The following TTC39A variants were observed in gnomAD, a reference collection of about 807,000 sequenced individuals.
TTC39A encodes the protein tetratricopeptide repeat protein 39A.
TTC39A carries 46 observed loss-of-function variants against 82.3 expected under a neutral mutation model. The observed-to-expected ratio is 0.56, with a 90% CI of 0.44 to 0.71. The LOEUF (loss-of-function observed/expected upper bound fraction) is 0.71, where lower values mean the gene tolerates loss of function less well. TTC39A is among the 30% of genes least tolerant of loss of function. TTC39A has a pLI of 0.00. For missense variants in TTC39A, 543 were observed against 712.9 expected (o/e 0.76, Z 2.71); for synonymous variants, 254 against 275.2 (o/e 0.92, Z 0.76).
chr1:51,322,397 A>C (rs926613378), intron 1 of TTC39A: 25 of 891,956 alleles, frequency 2.8e-5, no homozygotes, highest in Admixed American at 7.8e-5. Flanking sequence ...TCCAGTCCTT[A>C]CGTTTCTCTA....
chr1:51,306,116 G>T, intron 6 of TTC39A, 40 bp from the exon 7 acceptor site: 1 of 1,573,864 alleles, frequency 6.4e-7, no homozygotes. Flanking sequence ...CCACTGCTGG[G>T]GGTGGGGGGT....
At chr1:51,312,979 A>C in intron 2 of TTC39A, 36 bp from the exon 3 acceptor site, 1 of 1,599,720 alleles carries the variant, frequency 6.3e-7, no homozygotes, top group Non-Finnish European at 8.5e-7. Context: ...GCACCACCTT[A>C]TAGAGCCCCA....
At chr1:51,305,683 T>C (rs1369498310) in intron 7 of TTC39A, 1 of 463,132 alleles carries the variant, frequency 2.2e-6, no homozygotes, top group Non-Finnish European at 3.9e-6. Context: ...CCTGATTTAT[T>C]GTGTGTGCCA....
chr1:51,299,359 T>C (rs1397170935), intron 12 of TTC39A: 1 of 152,232 alleles, frequency 6.6e-6, no homozygotes, highest in African/African-American at 2.4e-5. Context: ...CATACTCCGT[T>C]CATCCGTCGC....
At position 51,302,517 on chromosome 1, in the gene TTC39A, G is replaced by T. The variant is rs367944910; in HGVS notation, c.820C>A (p.Arg274=). 17 of 1,609,142 alleles carry T rather than the reference G, an allele frequency of 1.1e-5. No individual in the cohort carries two copies. Among genetic ancestry groups the T allele is most frequent in the Non-Finnish European group, 1.4e-5 (17 of 1,177,894 alleles). The change falls in exon 10 of 18, where the codon CGG becomes AGG. Residue 274 remains arginine, a synonymous_variant. Transcript: ENST00000680483. The part of the protein sequence containing the change: ...AEKLLKPYLN[R]YPKGAIFLFF... ...CACATGGGGCTCACCTTAGGGTACC[G>T]GTTCAGGTAGGGCTTCAAGAGCTTC... is the stretch of plus-strand genomic sequence containing the variant.
Position 51,321,935 on chromosome 1 carries a change from T to G in TTC39A, c.42-110A>C. On this transcript the variant is annotated intron_variant, in intron 1 of 17. Coordinates refer to ENST00000680483, the MANE Select transcript of TTC39A (RefSeq NM_001297663.2). The surrounding 1 kb of genome is among the most constrained non-coding windows in gnomAD (Gnocchi z 4.6). ...CTCAGCCTCCCTGGCCAGCCTTGGG[T>G]GCCTGTCACGAGCTCCTCCAGGCTG... 1 of 1,335,434 alleles carries G rather than the reference T, an allele frequency of 7.5e-7. No homozygotes were observed. Among genetic ancestry groups the G allele is most frequent in the Non-Finnish European group, 1.0e-6 (1 of 961,944 alleles). The allele number at this position is 1,335,434 out of a possible 1,614,324, so 82.7% of individuals were successfully genotyped here.
At chr1:51,311,144 G>A (rs993881500) in intron 5 of TTC39A, 110 bp downstream of exon 5, 32 of 1,039,980 alleles carry the variant, frequency 3.1e-5, no homozygotes, top group East Asian at 1.6e-4. Context: ...GGGATGAGTC[G>A]TGGTTGCTAT....
upstream of TTC39A, among the ~76,000 whole-genome samples, chr1:51,332,755 A>G (rs1298130727): frequency 2.6e-5 from 4 of 152,358 alleles, no homozygotes; most frequent in African/African-American, 9.6e-5. Flanking sequence ...GGGTAAAAAA[A>G]TGCTTATTGG....
intron 2 of TTC39A, among the ~76,000 whole-genome samples, chr1:51,318,916 T>C (rs1479018997): frequency 1.3e-5 from 2 of 152,040 alleles, no homozygotes; most frequent in Non-Finnish European, 2.9e-5. Context: ...TAAACAGGAC[T>C]AGACAGACAG....
At chr1:51,328,807 T>G (rs1645805674) in intron 1 of TTC39A, among the ~76,000 whole-genome samples, 1 of 152,116 alleles carries the variant, frequency 6.6e-6, no homozygotes, top group East Asian at 1.9e-4. Context: ...TTTAAAAAGG[T>G]AGAGATTTAA....
intron 1 of TTC39A, among the ~76,000 whole-genome samples, chr1:51,339,028 G>T (rs1646005624): frequency 6.6e-6 from 1 of 152,194 alleles, no homozygotes; most frequent in Non-Finnish European, 1.5e-5. Flanking sequence ...TTCAACCTGA[G>T]ATTTAGCTAC....
intron 1 of TTC39A, among the ~76,000 whole-genome samples, chr1:51,327,529 C>A (rs1367780270): frequency 6.6e-6 from 1 of 152,082 alleles, no homozygotes; most frequent in Non-Finnish European, 1.5e-5. Context: ...GCTGGATAAC[C>A]TTGGGAATGT....
intron 1 of TTC39A, chr1:51,344,938 G>A: frequency 2.0e-6 from 3 of 1,520,894 alleles, no homozygotes; most frequent in Non-Finnish European, 1.8e-6. Flanking sequence ...GTCCTCCGGC[G>A]GCCCCTTGGT....
intron 1 of TTC39A, among the ~76,000 whole-genome samples, chr1:51,327,724 GCTCT>G (rs1228408773): frequency 6.7e-6 from 1 of 148,266 alleles, no homozygotes; most frequent in Non-Finnish European, 1.5e-5. Context: ...TTTGAGAGAG[GCTCT>G]CTCTGTCGCC....
intron 6 of TTC39A, among the ~76,000 whole-genome samples, chr1:51,307,176 G>C (rs1199557354): frequency 6.6e-6 from 1 of 152,176 alleles, no homozygotes; most frequent in Admixed American, 6.5e-5. Context: ...AATAACCCAG[G>C]ACTTCTTTTA....
intron 6 of TTC39A, among the ~76,000 whole-genome samples, chr1:51,308,391 C>T (rs1485625958): frequency 6.6e-6 from 1 of 152,126 alleles, no homozygotes; most frequent in Non-Finnish European, 1.5e-5. Flanking sequence ...AGGTGCCTGC[C>T]ACCACGCCCT....
At chr1:51,332,427 A>G (rs1645925183), upstream of TTC39A, among the ~76,000 whole-genome samples, 1 of 152,016 alleles carries the variant, frequency 6.6e-6, no homozygotes, top group South Asian at 2.1e-4. Flanking sequence ...TGCCCAGCTG[A>G]TTTTTGTATT....
At chr1:51,314,980 G>A (rs1645229751) in intron 2 of TTC39A, among the ~76,000 whole-genome samples, 1 of 152,146 alleles carries the variant, frequency 6.6e-6, no homozygotes. Context: ...TCTCCTCGAG[G>A]AGGGGCTTCC....
intron 6 of TTC39A, among the ~76,000 whole-genome samples, chr1:51,306,518 C>T (rs1318408473): frequency 1.3e-5 from 2 of 152,190 alleles, no homozygotes; most frequent in Non-Finnish European, 2.9e-5. Flanking sequence ...AGAATGTCTC[C>T]AGACACTGCC....
Sources: allele counts gnomAD v4.1 joint callset (sites outside exome capture counted in the v4.1 genomes callset), GRCh38; gene constraint gnomAD v4.1.1; non-coding constraint Gnocchi (gnomAD v3.1); transcripts MANE v1.5; gene names NCBI Gene and HGNC (gene_info 2026-07-23, HGNC 2026-07-21).